The following DNAH12 variants were observed in gnomAD, a reference collection of about 807,000 sequenced individuals.
DNAH12 encodes the protein axonemal beta dynein heavy chain 12.
Under a neutral mutation model 371.5 loss-of-function variants are expected in DNAH12, and 285 were observed. The observed-to-expected ratio is 0.77, with a 90% CI of 0.70 to 0.85. DNAH12 has a LOEUF of 0.85. Ranked by LOEUF, DNAH12 falls within the 40% of genes least tolerant of loss-of-function variation. The pLI is 0.00. For synonymous variants in DNAH12, 1,200 were observed against 1,213.0 expected, an observed-to-expected ratio of 0.99 and a Z score of 0.22; for missense variants, 3,611 against 3,689.4, an observed-to-expected ratio of 0.98 and a Z score of 0.55.
intron 45 of DNAH12, among the ~76,000 whole-genome samples, chr3:57,390,766 GC>G (rs1397332934): frequency 7.7e-6 from 1 of 130,618 alleles, no homozygotes; most frequent in Admixed American, 7.9e-5. Context: ...TGAAATTGTT[GC>G]CCAGTTGGTT....
At chr3:57,332,744 C>G (rs1054838555) in intron 62 of DNAH12, among the ~76,000 whole-genome samples, 2 of 152,096 alleles carry the variant, frequency 1.3e-5, no homozygotes, top group African/African-American at 4.8e-5. Context: ...ATGCATGAGA[C>G]CAAGAAAAGA....
At position 57,293,793 on chromosome 3, in the gene DNAH12, C is replaced by G. The variant is rs1221749774; in HGVS notation, c.11871G>C (p.Gln3957His). The G allele has an allele frequency of 6.6e-7, 1 of 1,515,154 alleles. No homozygotes were observed. Among genetic ancestry groups the G allele is most frequent in the East Asian group, 2.6e-5 (1 of 38,054 alleles). The allele number at this position is 1,515,154 out of a possible 1,614,324, so 93.9% of individuals were successfully genotyped here. A position where few individuals can be genotyped will look rare whatever the true frequency, so the allele number is the denominator to read the frequency against. ...AAATTTGTCCAATTTAGTCATCCAA[C>G]TGACAAAGCAAAGCAACCCCGCGCT... The part of the protein sequence containing the change: ...WIKRGVALLC[Q>H]LDD The change falls in exon 74 of 74, where the codon CAG (glutamine) becomes CAC (histidine). Residue 3957 changes from glutamine to histidine, a missense_variant. Physicochemically the swap from Gln to His is conservative, Grantham distance 24. This residue lies in a region of DNAH12 where 2,266 missense variants were observed against 2,236.9 expected (regional missense o/e 1.01). Transcript: ENST00000495027.
chr3:57,435,091 T>C (rs917459424), intron 30 of DNAH12, among the ~76,000 whole-genome samples: 1 of 152,134 alleles, frequency 6.6e-6, no homozygotes, highest in Non-Finnish European at 1.5e-5. Context: ...GAAGGATTAA[T>C]ATGGGCCGGG....
intron 13 of DNAH12, among the ~76,000 whole-genome samples, chr3:57,482,600 T>C (rs1450007632): frequency 3.3e-5 from 5 of 152,166 alleles, no homozygotes; most frequent in South Asian, 2.1e-4. Context: ...ATAAATCATG[T>C]TGCTATAAAG....
intron 58 of DNAH12, among the ~76,000 whole-genome samples, chr3:57,360,665 C>A (rs2062905800): frequency 7.0e-6 from 1 of 142,032 alleles, no homozygotes; most frequent in South Asian, 2.2e-4. Flanking sequence ...ATAGCCTGGG[C>A]AACAAGAGCG....
intron 11 of DNAH12, among the ~76,000 whole-genome samples, chr3:57,492,927 C>A (rs950581901): frequency 2.6e-4 from 39 of 152,118 alleles, no homozygotes; most frequent in Admixed American, 2.6e-4. Context: ...ATTGCTTGGG[C>A]CCAGGAGGTG....
chr3:57,417,405 T>A (rs1229479294), intron 37 of DNAH12, among the ~76,000 whole-genome samples: 3 of 152,210 alleles, frequency 2.0e-5, no homozygotes, highest in African/African-American at 7.2e-5. Context: ...AAAGTTCTTT[T>A]AGAAACAGAG....
At chr3:57,359,559 C>CAAAAAAA (rs1268515074) in intron 58 of DNAH12, among the ~76,000 whole-genome samples, 19 of 72,046 alleles carry the variant, frequency 2.6e-4, no homozygotes, top group Admixed American at 3.6e-4. Context: ...AACTCCATCT[C>CAAAAAAA]AAAAAAAAAA....
chr3:57,481,959 A>G (rs570525246), intron 13 of DNAH12, among the ~76,000 whole-genome samples: 1 of 152,348 alleles, frequency 6.6e-6, no homozygotes, highest in East Asian at 1.9e-4. Context: ...ACCTAAAACC[A>G]TAAAAACCCT....
At position 57,351,530 on chromosome 3, in the gene DNAH12, G is replaced by A. The variant is rs77056204; in HGVS notation, c.9674+555C>T. 7.0e-3 allele frequency among the ~76,000 whole-genome samples: 1,073 copies of A among 152,244 alleles called. 11 individuals are homozygous for A. The highest frequency in any genetic ancestry group is 0.024 in the African/African-American group (998 of 41,538). The stretch of plus-strand genomic sequence containing the variant: ...AAACAACCCATCTGTTCATTGAGTA[G>A]AACAGGTAACGTCAATGTATTCTTA... On this transcript the variant is annotated intron_variant, in intron 60 of 73. Transcript: ENST00000495027.
chr3:57,374,991 G>T (rs2063254518), intron 55 of DNAH12, among the ~76,000 whole-genome samples: 1 of 152,042 alleles, frequency 6.6e-6, no homozygotes, highest in South Asian at 2.1e-4. Context: ...TAGAGATTTG[G>T]GTTACACCAG....
At chr3:57,521,590 A>T (rs56132823) in intron 4 of DNAH12, among the ~76,000 whole-genome samples, 19,057 of 152,264 alleles carry the variant, frequency 0.13, 1,356 homozygotes, top group South Asian at 0.21. Flanking sequence ...AAAGTTTTTT[A>T]AAAAAGACAG....
intron 58 of DNAH12, among the ~76,000 whole-genome samples, chr3:57,362,234 T>C (rs995000224): frequency 0.056 from 8,553 of 152,322 alleles, 305 homozygotes; most frequent in Non-Finnish European, 0.086. Flanking sequence ...CCATGGTCTA[T>C]ATGTGCCACA....
chr3:57,316,676 C>T (rs1168853861), intron 65 of DNAH12, among the ~76,000 whole-genome samples: 1 of 152,140 alleles, frequency 6.6e-6, no homozygotes, highest in Admixed American at 6.5e-5. Context: ...AGGGAGGTGA[C>T]TCAATCATGG....
At chr3:57,507,886 G>A in intron 7 of DNAH12, 48 bp from the exon 8 acceptor site, 2 of 1,493,024 alleles carry the variant, frequency 1.3e-6, no homozygotes, top group Admixed American at 2.4e-5. Flanking sequence ...GATACATATT[G>A]GTCTTAAAAC....
chr3:57,448,405 C>T (rs554681085), intron 25 of DNAH12, among the ~76,000 whole-genome samples: 3 of 152,022 alleles, frequency 2.0e-5, no homozygotes, highest in East Asian at 1.9e-4. Flanking sequence ...AGCTGCAGAC[C>T]TTCGCCCTGA....
intron 11 of DNAH12, among the ~76,000 whole-genome samples, chr3:57,497,166 T>G (rs1559721648): frequency 6.6e-6 from 1 of 152,242 alleles, no homozygotes; most frequent in Non-Finnish European, 1.5e-5. Context: ...ATGGCAGTTC[T>G]TTCCAAATTG....
At chr3:57,331,644 A>T (rs2153304214) in intron 62 of DNAH12, among the ~76,000 whole-genome samples, 1 of 152,346 alleles carries the variant, frequency 6.6e-6, no homozygotes, top group Non-Finnish European at 1.5e-5. Context: ...TTTTAAAAAA[A>T]GAAGGAAGAA....
intron 59 of DNAH12, among the ~76,000 whole-genome samples, chr3:57,355,128 G>A (rs1318364760): frequency 6.6e-6 from 1 of 152,028 alleles, no homozygotes; most frequent in African/African-American, 2.4e-5. Flanking sequence ...GGGGCAACTG[G>A]GTAAAAGGTA....
Sources: gnomAD v4.1 joint callset for allele counts (sites outside exome capture counted in the v4.1 genomes callset) on GRCh38, gnomAD v4.1.1 for gene constraint, gnomAD v4.1.1 regional missense constraint, MANE v1.5 for transcripts, NCBI Gene and HGNC (gene_info 2026-07-23, HGNC 2026-07-21) for gene names.